SORCS3: variants seen among roughly 807,000 people sequenced by gnomAD.
The protein encoded by SORCS3 is sortilin related VPS10 domain containing receptor 3.
SORCS3 carries 57 observed loss-of-function variants against 146.3 expected under a neutral mutation model. That is an observed-to-expected ratio of 0.39 (90% CI 0.31 to 0.49). SORCS3 has a LOEUF of 0.49. Ranked by LOEUF, SORCS3 falls within the 20% of genes least tolerant of loss-of-function variation. SORCS3 has a pLI of 0.92. For synonymous variants in SORCS3, 653 were observed against 618.5 expected (o/e 1.06, Z -0.83); for missense variants, 1,341 against 1,575.5 (o/e 0.85, Z 2.52).
At chr10:105,063,729 G>T (rs897371910) in intron 5 of SORCS3, among the ~76,000 whole-genome samples, 1 of 152,198 alleles carries the variant, frequency 6.6e-6, no homozygotes, top group Non-Finnish European at 1.5e-5. Flanking sequence ...GCACTGTGGG[G>T]ATGCTGAATA....
intron 3 of SORCS3, among the ~76,000 whole-genome samples, chr10:104,933,636 C>T (rs1308241860): frequency 1.3e-5 from 2 of 152,194 alleles, no homozygotes. Context: ...GCCTGCTGCA[C>T]TGCCTTATAA....
At chr10:105,038,810 T>G (rs909424229) in intron 4 of SORCS3, among the ~76,000 whole-genome samples, 12 of 151,884 alleles carry the variant, frequency 7.9e-5, no homozygotes, top group African/African-American at 2.7e-4. Flanking sequence ...TTAATATCCT[T>G]AAATAATCTT....
intron 1 of SORCS3, among the ~76,000 whole-genome samples, chr10:104,690,284 G>A (rs149446410): frequency 3.3e-5 from 5 of 152,258 alleles, no homozygotes; most frequent in East Asian, 1.9e-4. Context: ...TGGATTTGAC[G>A]GGTCAGTCCT....
At chr10:104,746,138 CTT>C (rs1287233951) in intron 1 of SORCS3, among the ~76,000 whole-genome samples, 41 of 132,006 alleles carry the variant, frequency 3.1e-4, no homozygotes, top group Admixed American at 3.8e-4. Flanking sequence ...TAACTGTTTT[CTT>C]TTTTTTTTTT....
intron 6 of SORCS3, among the ~76,000 whole-genome samples, chr10:105,092,177 G>T (rs1175585893): frequency 6.6e-6 from 1 of 152,174 alleles, no homozygotes; most frequent in Non-Finnish European, 1.5e-5. Flanking sequence ...TGAGGCCTAT[G>T]GTGCAGGACT....
chr10:105,050,757 A>G (rs562927579), intron 5 of SORCS3, among the ~76,000 whole-genome samples: 1 of 152,222 alleles, frequency 6.6e-6, no homozygotes, highest in East Asian at 1.9e-4. Context: ...GAGATAACCA[A>G]TATGCTTTTC....
chr10:104,814,767 A>T (rs575520335), intron 1 of SORCS3, among the ~76,000 whole-genome samples: 1 of 152,364 alleles, frequency 6.6e-6, no homozygotes, highest in Admixed American at 6.5e-5. Context: ...ACCACTTATT[A>T]ATTAATGGAT....
At position 105,211,176 on chromosome 10, in the gene SORCS3, C is replaced by G; in HGVS notation, c.2301C>G (p.Val767=). 1 of 1,614,006 alleles carries G rather than the reference C, an allele frequency of 6.2e-7. No individual in the cohort carries two copies. The highest frequency in any genetic ancestry group is 8.5e-7 in the Non-Finnish European group (1 of 1,179,908). ...GYERHGESQC[V]PAFWYNPASP... Reference sequence around the variant, plus strand: ...AGAGACATGGGGAGAGCCAGTGTGTCCCAGCTTTCTGGTACAATCCAGCAT... The same window carrying G: ...AGAGACATGGGGAGAGCCAGTGTGTGCCAGCTTTCTGGTACAATCCAGCAT... Residue 767 remains valine (V), a synonymous_variant, in exon 17 of 27, where the codon GTC becomes GTG. Transcript: ENST00000369701.
chr10:104,946,650 T>C (rs1459781643), intron 3 of SORCS3, among the ~76,000 whole-genome samples: 1 of 152,146 alleles, frequency 6.6e-6, no homozygotes, highest in Non-Finnish European at 1.5e-5. Context: ...CAGAAGCTGC[T>C]TCCACTGGCA....
chr10:105,008,480 G>A (rs796185509), intron 4 of SORCS3, among the ~76,000 whole-genome samples: 14 of 152,276 alleles, frequency 9.2e-5, no homozygotes, highest in African/African-American at 2.9e-4. Context: ...TTAAGCTGTC[G>A]TTTGGTACCT....
At chr10:105,146,090 A>G (rs996887816) in intron 8 of SORCS3, among the ~76,000 whole-genome samples, 2 of 152,102 alleles carry the variant, frequency 1.3e-5, no homozygotes, top group Non-Finnish European at 2.9e-5. Context: ...GCTTTCCATC[A>G]CAGCAACACG....
At chr10:105,073,621 A>G (rs2055571434) in intron 5 of SORCS3, among the ~76,000 whole-genome samples, 1 of 152,138 alleles carries the variant, frequency 6.6e-6, no homozygotes, top group African/African-American at 2.4e-5. Flanking sequence ...TAAGTGGGGA[A>G]CTATCTTCAG....
intron 2 of SORCS3, among the ~76,000 whole-genome samples, chr10:104,878,698 GA>G (rs1564704247): frequency 6.6e-6 from 1 of 152,250 alleles, no homozygotes; most frequent in Non-Finnish European, 1.5e-5. Flanking sequence ...ATATTAGCAT[GA>G]AAAAATAATA....
intron 6 of SORCS3, among the ~76,000 whole-genome samples, chr10:105,097,003 G>A (rs183409414): frequency 6.6e-6 from 1 of 152,202 alleles, no homozygotes; most frequent in African/African-American, 2.4e-5. Flanking sequence ...AAGGTCATTT[G>A]TGGCTTTTTC....
At chr10:104,761,312 A>G (rs889056626) in intron 1 of SORCS3, among the ~76,000 whole-genome samples, 1 of 152,186 alleles carries the variant, frequency 6.6e-6, no homozygotes, top group Admixed American at 6.5e-5. Flanking sequence ...TGAAATATTC[A>G]TGGGTATTTT....
intron 1 of SORCS3, among the ~76,000 whole-genome samples, chr10:104,732,744 G>A (rs1589477300): frequency 6.6e-6 from 1 of 152,234 alleles, no homozygotes; most frequent in East Asian, 1.9e-4. Flanking sequence ...CTAACAGGCA[G>A]GGATGGGAAA....
At chr10:105,136,575 T>C (rs1184232524) in intron 7 of SORCS3, among the ~76,000 whole-genome samples, 1 of 152,152 alleles carries the variant, frequency 6.6e-6, no homozygotes, top group East Asian at 1.9e-4. Context: ...AGAGTGAATG[T>C]TGAAAGTGCT....
chr10:104,986,013 C>G (rs1690035073), intron 4 of SORCS3, among the ~76,000 whole-genome samples: 1 of 152,158 alleles, frequency 6.6e-6, no homozygotes, highest in African/African-American at 2.4e-5. Context: ...CAGCGTTAGC[C>G]TGGGTGAGTC....
At chr10:104,880,562 G>T (rs2133575045) in intron 2 of SORCS3, among the ~76,000 whole-genome samples, 1 of 152,278 alleles carries the variant, frequency 6.6e-6, no homozygotes, top group South Asian at 2.1e-4. Context: ...CAGAGCAGGT[G>T]GGAGAAGCAT....
Sources: allele counts gnomAD v4.1 joint callset (sites outside exome capture counted in the v4.1 genomes callset), GRCh38; gene constraint gnomAD v4.1.1; transcripts MANE v1.5; gene names NCBI Gene and HGNC (gene_info 2026-07-23, HGNC 2026-07-21).